DOK7: variants seen among roughly 807,000 people sequenced by gnomAD.
DOK7 encodes docking protein 7, also known as protein Dok-7.
A neutral mutation model predicts 30.7 loss-of-function variants in DOK7; 32 were observed. The observed-to-expected ratio is 1.04, with a 90% CI of 0.79 to 1.40. The LOEUF (loss-of-function observed/expected upper bound fraction) is 1.40. Among genes scored for constraint, DOK7 ranks in the 40% most tolerant of loss-of-function variants. The pLI, the probability that DOK7 is intolerant of heterozygous loss-of-function variation, is 0.00. For synonymous variants in DOK7, 447 were observed against 324.1 expected, an observed-to-expected ratio of 1.38 and a Z score of -4.07; for missense variants, 1,007 against 699.2, an observed-to-expected ratio of 1.44 and a Z score of -4.97.
At chr4:3,471,849 G>C (rs1026403579) in intron 2 of DOK7, among the ~76,000 whole-genome samples, 2 of 152,260 alleles carry the variant, frequency 1.3e-5, no homozygotes, top group Admixed American at 6.5e-5. Flanking sequence ...GGAATGCCTA[G>C]CTTTTTTCTA....
intron 2 of DOK7, among the ~76,000 whole-genome samples, chr4:3,467,534 G>A (rs1389044988): frequency 2.6e-5 from 4 of 151,288 alleles, no homozygotes; most frequent in African/African-American, 9.7e-5. Context: ...GGCTGTGGAG[G>A]TGAATGCAGG....
chr4:3,492,921 T>C lies in DOK7; in HGVS notation c.935T>C (p.Val312Ala). ...AAAQAAGEAM[V>A]GASRPPPKPL... is the part of the protein sequence containing the mutation. ...GCCCAGGCCGCCGGGGAAGCCATGG[T>C]GGGTGCCTCAAGGCCACCCCCCAAG... The change falls in exon 7 of 7, where the codon GTG becomes GCG. Residue 312 changes from valine (V) to alanine (A), a missense_variant. Physicochemically the swap from Val to Ala is moderately conservative, Grantham distance 64. Transcript: ENST00000340083. 1.3e-6 allele frequency: 2 copies of C among 1,565,478 alleles called. No homozygotes were observed. The highest frequency in any genetic ancestry group is 2.3e-5 in the South Asian group (2 of 86,220).
Position 3,494,084 on chromosome 4 carries a change from TTCTGGGC to T in DOK7, c.*584_*590del. 3.0e-6 allele frequency: 3 copies of T among 986,702 alleles called. No individual in the cohort carries two copies. The highest frequency in any genetic ancestry group is 3.6e-6 in the Non-Finnish European group (3 of 830,912). The allele number at this position is 986,702 out of a possible 1,614,324, so 61.1% of individuals were successfully genotyped here. A position where few individuals can be genotyped will look rare whatever the true frequency, so the allele number is the denominator to read the frequency against. On this transcript the variant is annotated 3_prime_UTR_variant, in exon 7 of 7. Transcript: ENST00000340083. ...CTGTGTGGCTTGCGGGGTCTCTGGG[TTCTGGGC>T]CCCACTGTTCCCCAGTGAAGCCCTT... is the stretch of plus-strand genomic sequence containing the variant.
At position 3,493,254 on chromosome 4, in the gene DOK7, A is replaced by T; in HGVS notation, c.1268A>T (p.Gln423Leu). The T allele has an allele frequency of 1.2e-6, 2 of 1,611,756 alleles. No individual in the cohort carries two copies. Among genetic ancestry groups the T allele is most frequent in the Non-Finnish European group, 1.7e-6 (2 of 1,179,562 alleles). Residue 423 changes from glutamine to leucine, a missense_variant, in exon 7 of 7, where the codon CAG becomes CTG. Transcript: ENST00000340083. The part of the protein sequence containing the change: ...LAPRDHSPPS[Q>L]GSPGNSAARD... ...CCTAGAGACCACAGCCCCCCCTCAC[A>T]GGGCAGCCCCGGCAACAGTGCGGCC...
chr4:3,489,868 A>C (rs373003191), intron 6 of DOK7, 72 bp downstream of exon 6: 2 of 1,533,988 alleles, frequency 1.3e-6, no homozygotes, highest in South Asian at 1.2e-5. Context: ...GGAGGCATCC[A>C]TGCATGTGTG....
intron 5 of DOK7, among the ~76,000 whole-genome samples, chr4:3,486,278 G>A (rs770727948): frequency 1.3e-5 from 2 of 152,216 alleles, no homozygotes; most frequent in East Asian, 1.9e-4. Flanking sequence ...GCCTGGGCAC[G>A]GTGGGGCTCC....
chr4:3,474,906 T>C (rs1374438336), intron 3 of DOK7, among the ~76,000 whole-genome samples: 2 of 152,142 alleles, frequency 1.3e-5, no homozygotes, highest in African/African-American at 4.8e-5. Context: ...AGTGAGACCC[T>C]GTCTCAAAAA....
chr4:3,484,593 C>T (rs1727642680), intron 4 of DOK7: 1 of 985,360 alleles, frequency 1.0e-6, no homozygotes, highest in Non-Finnish European at 1.2e-6. Context: ...GAGGGCAGCG[C>T]CCCCGTGACT....
At chr4:3,498,545 TG>T (rs57604576), downstream of DOK7, among the ~76,000 whole-genome samples, 1,527 of 152,302 alleles carry the variant, frequency 0.01, 25 homozygotes, top group African/African-American at 0.035. Context: ...CCCTGCCCCT[TG>T]GCTTCAAGGC....
intron 5 of DOK7, among the ~76,000 whole-genome samples, chr4:3,488,496 TG>T (rs1453791433): frequency 6.6e-6 from 1 of 152,186 alleles, no homozygotes; most frequent in Non-Finnish European, 1.5e-5. Flanking sequence ...GCGCTGACCA[TG>T]GGGTCGGGAC....
chr4:3,482,943 C>T (rs1273690177), intron 4 of DOK7, among the ~76,000 whole-genome samples: 1 of 152,050 alleles, frequency 6.6e-6, no homozygotes, highest in Non-Finnish European at 1.5e-5. Context: ...CGTGAGAGCA[C>T]CACAGAGGGG....
intron 4 of DOK7, among the ~76,000 whole-genome samples, chr4:3,480,928 T>C (rs1241725526): frequency 6.6e-6 from 1 of 152,102 alleles, no homozygotes; most frequent in Non-Finnish European, 1.5e-5. Flanking sequence ...CTGGGGGCAC[T>C]GCGGGGAAGC....
intron 4 of DOK7, among the ~76,000 whole-genome samples, chr4:3,479,643 G>T (rs1420037404): frequency 6.6e-6 from 1 of 152,174 alleles, no homozygotes; most frequent in Non-Finnish European, 1.5e-5. Context: ...GGGTGACCCT[G>T]GCCCAAGGCG....
chr4:3,499,437 G>A (rs1729084991), downstream of DOK7, among the ~76,000 whole-genome samples: 1 of 152,206 alleles, frequency 6.6e-6, no homozygotes, highest in African/African-American at 2.4e-5. Flanking sequence ...CTGGAGAACG[G>A]GGTCCTTCCT....
chr4:3,474,817 A>C (rs776375652), intron 3 of DOK7, among the ~76,000 whole-genome samples: 6 of 150,266 alleles, frequency 4.0e-5, no homozygotes, highest in African/African-American at 1.5e-4. Flanking sequence ...GTAGGACTCC[A>C]TCTCAAAAAA....
downstream of DOK7, among the ~76,000 whole-genome samples, chr4:3,498,824 G>C (rs972708636): frequency 6.6e-6 from 1 of 152,244 alleles, no homozygotes; most frequent in Admixed American, 6.5e-5. Flanking sequence ...CAGGAGGGGG[G>C]TCTCCCCAGG....
At chr4:3,495,914 C>T (rs1728884647), downstream of DOK7, among the ~76,000 whole-genome samples, 1 of 152,176 alleles carries the variant, frequency 6.6e-6, no homozygotes, top group South Asian at 2.1e-4. Context: ...CTCAGGGGGC[C>T]TCGTGTGAGG....
chr4:3,490,179 G>C (rs1245961246), intron 6 of DOK7, among the ~76,000 whole-genome samples: 92 of 27,092 alleles, frequency 3.4e-3, no homozygotes, highest in African/African-American at 0.01. Context: ...TTCTTCCTCC[G>C]CCCCCCCCAC....
Position 3,494,022 on chromosome 4 carries a change from C to T in DOK7, c.*521C>T. 3 of 990,342 alleles carry T rather than the reference C, an allele frequency of 3.0e-6. No individual in the cohort carries two copies. The highest frequency in any genetic ancestry group is 2.4e-6 in the Non-Finnish European group (2 of 833,490). 61.3% of individuals were successfully genotyped at this position (990,342 alleles called of 1,614,324 possible). On this transcript the variant is annotated 3_prime_UTR_variant, in exon 7 of 7. Coordinates refer to ENST00000340083, the MANE Select transcript of DOK7 (RefSeq NM_173660.5). ...CCTGGGCTCCGTGTGCGCTGGGCCT[C>T]ATCCCCATCTATGGGAGGAAACTGA...
Sources: gnomAD v4.1 joint callset for allele counts (sites outside exome capture counted in the v4.1 genomes callset) on GRCh38, gnomAD v4.1.1 for gene constraint, MANE v1.5 for transcripts, NCBI Gene and HGNC (gene_info 2026-07-23, HGNC 2026-07-21) for gene names.